Variants in CPLANE1 observed in about 807,000 individuals in gnomAD.
CPLANE1 encodes ciliogenesis and planar polarity effector complex subunit 1, also known as ciliogenesis and planar polarity effector 1.
A neutral mutation model predicts 362.5 loss-of-function variants in CPLANE1; 263 were observed. The observed-to-expected ratio is 0.73, with a 90% CI of 0.66 to 0.80. The LOEUF is 0.80. CPLANE1 is among the 30% of genes least tolerant of loss of function. The probability of loss-of-function intolerance (pLI) is 0.00; values close to 1 mark genes in which losing one functional copy is unlikely to be tolerated. For synonymous variants in CPLANE1, 1,212 were observed against 1,302.6 expected, an observed-to-expected ratio of 0.93 and a Z score of 1.50; for missense variants, 3,461 against 3,793.4, an observed-to-expected ratio of 0.91 and a Z score of 2.30.
intron 21 of CPLANE1, 118 bp from the exon 22 acceptor site, chr5:37,187,960 A>G (rs746553540): frequency 8.8e-6 from 5 of 568,798 alleles, no homozygotes; most frequent in South Asian, 4.0e-5. Context: ...CATTCATTAT[A>G]AAATGAACAC....
intron 8 of CPLANE1, among the ~76,000 whole-genome samples, chr5:37,237,228 G>C (rs1301108943): frequency 6.6e-6 from 1 of 152,174 alleles, no homozygotes; most frequent in East Asian, 1.9e-4. Flanking sequence ...AGAAAATGTG[G>C]TGTGTGTATA....
At chr5:37,190,609 A>T (rs894810058) in intron 21 of CPLANE1, among the ~76,000 whole-genome samples, 14 of 152,124 alleles carry the variant, frequency 9.2e-5, no homozygotes, top group African/African-American at 2.2e-4. Context: ...AGATTTTTTT[A>T]AAAAAACTAT....
At position 37,244,445 on chromosome 5, in the gene CPLANE1, TC is replaced by T. The variant is rs1738802865; in HGVS notation, c.499del (p.Glu167LysfsTer15). On this transcript the variant is annotated frameshift_variant, in exon 5 of 53. Transcript: ENST00000651892. LOFTEE classifies it high-confidence loss of function. ...GGTGGAAGGCAAGAGAACTGCTTCT[TC>T]AGGTATGACCTGGGACCACCGACCC... ...LAGRWSQVIP[E>X]EAVLLPSTED... The T allele has an allele frequency of 6.4e-7, 1 of 1,551,574 alleles. No homozygotes were observed. The highest frequency in any genetic ancestry group is 1.4e-5 in the African/African-American group (1 of 73,024).
intron 14 of CPLANE1, among the ~76,000 whole-genome samples, 169 bp from the exon 15 acceptor site, chr5:37,221,657 C>T (rs1428735907): frequency 6.6e-6 from 1 of 151,978 alleles, no homozygotes. Context: ...ATTTTTTTCA[C>T]AGGTGATCTG....
At chr5:37,186,632 G>A (rs1784063195) in intron 23 of CPLANE1, among the ~76,000 whole-genome samples, 1 of 152,088 alleles carries the variant, frequency 6.6e-6, no homozygotes. Flanking sequence ...TGTACAATGT[G>A]ATGATTTAAT....
chr5:37,220,179 G>T (rs1289224809), intron 15 of CPLANE1, among the ~76,000 whole-genome samples: 1 of 151,818 alleles, frequency 6.6e-6, no homozygotes, highest in Non-Finnish European at 1.5e-5. Flanking sequence ...TTGAGCCCAG[G>T]CGCCAGAGGT....
At chr5:37,248,802 A>G (rs1020010998) in intron 1 of CPLANE1, among the ~76,000 whole-genome samples, 8 of 152,258 alleles carry the variant, frequency 5.3e-5, no homozygotes, top group African/African-American at 1.7e-4. Context: ...CGCTGCTAAA[A>G]TTATTGAGTG....
intron 16 of CPLANE1, among the ~76,000 whole-genome samples, chr5:37,207,258 C>T (rs1188326121): frequency 6.6e-6 from 1 of 152,194 alleles, no homozygotes; most frequent in African/African-American, 2.4e-5. Flanking sequence ...CTCTGTTCCT[C>T]GAAATGGTGA....
At chr5:37,135,986 A>C (rs1203453078) in intron 46 of CPLANE1, among the ~76,000 whole-genome samples, 1 of 152,226 alleles carries the variant, frequency 6.6e-6, no homozygotes, top group Non-Finnish European at 1.5e-5. Context: ...GTGGATGAGG[A>C]AACAATCAGA....
intron 45 of CPLANE1, 60 bp from the exon 46 acceptor site, chr5:37,138,908 A>G: frequency 7.0e-7 from 1 of 1,435,284 alleles, no homozygotes; most frequent in Non-Finnish European, 9.5e-7. Context: ...AATTACATTA[A>G]GCAAAAATAA....
Position 37,244,404 on chromosome 5 carries a change from C to T in CPLANE1, c.541G>A (p.Val181Ile). Residue 181 changes from valine (V) to isoleucine (I), a missense_variant, in exon 5 of 53, where the codon GTA becomes ATA. This residue lies in a region of CPLANE1 where 3,380 missense variants were observed against 3,666.1 expected (regional missense o/e 0.92). Coordinates refer to ENST00000651892, the MANE Select transcript of CPLANE1 (RefSeq NM_001384732.1). The stretch of plus-strand genomic sequence containing the variant: ...TTTTTTATAAAAACAGCATTCACTA[C>T]AGCTTCTTTATCTTCGGTGGAAGGC... ...LLPSTEDKEA[V>I]VNAVFIKNEL... 1 of 1,550,664 alleles carries T rather than the reference C, an allele frequency of 6.4e-7. No individual in the cohort carries two copies. The highest frequency in any genetic ancestry group is 8.7e-7 in the Non-Finnish European group (1 of 1,146,760).
chr5:37,142,157 T>G lies in CPLANE1; in HGVS notation c.8632+153A>C, dbSNP rs965839840. The G allele has an allele frequency of 8.0e-6, 10 of 1,257,490 alleles. No individual in the cohort carries two copies. The Middle Eastern group carries it at 8.9e-4, about 113-fold the overall frequency. The allele number at this position is 1,257,490 out of a possible 1,614,324, so 77.9% of individuals were successfully genotyped here. On this transcript the variant is annotated intron_variant, in intron 44 of 52. Coordinates refer to ENST00000651892, the MANE Select transcript of CPLANE1 (RefSeq NM_001384732.1). ...TGACAAGATGTCACAGTTCTTCATG[T>G]GACTAGCAAAAGTTTTAACTTTCCT...
intron 34 of CPLANE1, among the ~76,000 whole-genome samples, chr5:37,167,853 G>A (rs1035078703): frequency 6.6e-6 from 1 of 152,132 alleles, no homozygotes; most frequent in Non-Finnish European, 1.5e-5. Flanking sequence ...AAAATTGTTT[G>A]GAACAGGGAA....
At chr5:37,131,801 A>G (rs13360590) in intron 46 of CPLANE1, among the ~76,000 whole-genome samples, 2,094 of 152,074 alleles carry the variant, frequency 0.014, 52 homozygotes, top group African/African-American at 0.047. Flanking sequence ...AAGTGCTGGG[A>G]TTATAGGCGT....
chr5:37,244,971 G>A (rs1739026203), intron 4 of CPLANE1, among the ~76,000 whole-genome samples: 1 of 151,794 alleles, frequency 6.6e-6, no homozygotes, highest in Non-Finnish European at 1.5e-5. Context: ...CTAACACGGT[G>A]AAACCCCGTC....
intron 42 of CPLANE1, 62 bp from the exon 43 acceptor site, chr5:37,148,330 C>T: frequency 8.1e-7 from 1 of 1,235,596 alleles, no homozygotes; most frequent in Admixed American, 2.0e-5. Context: ...AAATAACAAA[C>T]AGTTTTATGT....
At chr5:37,089,440 C>T in the CPLANE1 span, among the ~76,000 whole-genome samples, 1 of 152,046 alleles carries the variant, frequency 6.6e-6, no homozygotes, top group African/African-American at 2.4e-5. Context: ...TCTCAAGATC[C>T]GATTTGGGTA....
the CPLANE1 span, among the ~76,000 whole-genome samples, chr5:37,081,665 A>G: frequency 6.6e-6 from 1 of 151,916 alleles, no homozygotes; most frequent in African/African-American, 2.4e-5. Flanking sequence ...AATAGGGCAG[A>G]AAAAAAAGTT....
intron 35 of CPLANE1, among the ~76,000 whole-genome samples, chr5:37,166,519 T>C (rs940128428): frequency 3.3e-5 from 5 of 152,228 alleles, no homozygotes; most frequent in Admixed American, 1.3e-4. Flanking sequence ...GATCACATTC[T>C]TATAACTTGT....
Sources: gnomAD v4.1 joint callset for allele counts (sites outside exome capture counted in the v4.1 genomes callset) on GRCh38, gnomAD v4.1.1 for gene constraint, gnomAD v4.1.1 regional missense constraint, MANE v1.5 for transcripts, NCBI Gene and HGNC (gene_info 2026-07-23, HGNC 2026-07-21) for gene names.